The following INPP5F variants were observed in gnomAD, a reference collection of about 807,000 sequenced individuals.
INPP5F encodes phosphatidylinositide 4-phosphatase SAC2.
In INPP5F, 97 loss-of-function variants were observed where a neutral mutation model predicts 137.2. The observed-to-expected ratio is 0.71, with a 90% CI of 0.60 to 0.84. INPP5F has a LOEUF of 0.84. INPP5F is among the 40% of genes least tolerant of loss of function. The pLI is 0.00. For synonymous variants in INPP5F, 504 were observed against 476.9 expected (o/e 1.06, Z -0.74); for missense variants, 1,271 against 1,371.9 (o/e 0.93, Z 1.16).
Position 119,827,417 on chromosome 10 carries a change from G to GTAA in INPP5F, c.3036_3037insTAA (p.Ser1012_Gln1013insTer), listed in dbSNP as rs768110208. ...CAGAACAGACACCTTCTCGGCCATCGCAATTAGATGTCTCTCTTTCTGCAA... is the reference window on the plus strand; with the variant it reads ...CAGAACAGACACCTTCTCGGCCATCGTAACAATTAGATGTCTCTCTTTCTGCAA... On this transcript the variant is annotated stop_gained and inframe_insertion, in exon 20 of 20. Coordinates refer to ENST00000650623, the MANE Select transcript of INPP5F (RefSeq NM_014937.4). LOFTEE classifies it high-confidence loss of function. 12 of 1,614,052 alleles carry GTAA rather than the reference G, an allele frequency of 7.4e-6. No individual in the cohort carries two copies. Among genetic ancestry groups the GTAA allele is most frequent in the African/African-American group, 2.7e-5 (2 of 74,918 alleles).
intron 11 of INPP5F, among the ~76,000 whole-genome samples, 165 bp from the exon 12 acceptor site, chr10:119,806,195 T>G (rs1850776284): frequency 6.6e-6 from 1 of 152,134 alleles, no homozygotes. Flanking sequence ...ATTGTGTAAA[T>G]TAACAATGAT....
intron 1 of INPP5F, among the ~76,000 whole-genome samples, 153 bp downstream of exon 1, chr10:119,726,512 C>T (rs1289598036): frequency 1.3e-5 from 2 of 152,168 alleles, no homozygotes; most frequent in Non-Finnish European, 2.9e-5. Flanking sequence ...TCATTATTCC[C>T]TGACTGGAAG....
At chr10:119,750,209 G>A (rs1055358442) in intron 1 of INPP5F, among the ~76,000 whole-genome samples, 1 of 152,204 alleles carries the variant, frequency 6.6e-6, no homozygotes, top group Non-Finnish European at 1.5e-5. Flanking sequence ...TTGAGTGTAA[G>A]TTTCACTAAA....
intron 8 of INPP5F, among the ~76,000 whole-genome samples, 166 bp from the exon 9 acceptor site, chr10:119,798,377 A>G (rs1850461454): frequency 6.6e-6 from 1 of 152,184 alleles, no homozygotes; most frequent in Admixed American, 6.5e-5. Context: ...CTGGAAAAAA[A>G]ATCAGATCTT....
chr10:119,768,851 G>C (rs1849255228), intron 2 of INPP5F, among the ~76,000 whole-genome samples: 1 of 152,214 alleles, frequency 6.6e-6, no homozygotes, highest in Non-Finnish European at 1.5e-5. Flanking sequence ...GTGTCCAAAA[G>C]AGCGGTGAAA....
chr10:119,827,957 A>C lies in INPP5F; in HGVS notation c.*177A>C. 3.5e-6 allele frequency: 2 copies of C among 568,902 alleles called. No homozygotes were observed. The highest frequency in any genetic ancestry group is 3.0e-5 in the East Asian group (1 of 33,258). The allele number at this position is 568,902 out of a possible 1,614,324, so 35.2% of individuals were successfully genotyped here. A position where few individuals can be genotyped will look rare whatever the true frequency, so the allele number is the denominator to read the frequency against. On this transcript the variant is annotated 3_prime_UTR_variant, in exon 20 of 20. Transcript: ENST00000650623. ...CCAAATTTTACAGCCAGGACTACAG[A>C]AGTGCATCATTCTAGAATGTGTAGA...
Position 119,780,959 on chromosome 10 carries a change from C to G in INPP5F, c.179-676C>G, listed in dbSNP as rs561193988. ...CCTGGAGCCAGTCCCCTGCAGATAC[C>G]GAGGGATGGCTGTATGTTAATAATA... On this transcript the variant is annotated intron_variant, in intron 2 of 19. Transcript: ENST00000650623. Among the ~76,000 whole-genome samples, 9 of 152,136 alleles carry G rather than the reference C, an allele frequency of 5.9e-5. No individual in the cohort carries two copies. The East Asian group carries it at 1.2e-3, about 20-fold the overall frequency.
intron 1 of INPP5F, among the ~76,000 whole-genome samples, chr10:119,738,962 AC>A (rs1848297906): frequency 6.6e-6 from 1 of 151,880 alleles, no homozygotes; most frequent in Non-Finnish European, 1.5e-5. Context: ...TGGGAGGATC[AC>A]TTGAGTCCAG....
At chr10:119,756,527 C>T (rs1848847322) in intron 2 of INPP5F, among the ~76,000 whole-genome samples, 5 of 150,652 alleles carry the variant, frequency 3.3e-5, no homozygotes, top group Admixed American at 2.0e-4. Context: ...TCCCACCTAC[C>T]CGGGAGGTTG....
At chr10:119,781,114 G>C (rs1564825586) in intron 2 of INPP5F, among the ~76,000 whole-genome samples, 2 of 152,196 alleles carry the variant, frequency 1.3e-5, no homozygotes, top group African/African-American at 2.4e-5. Flanking sequence ...CCACTGTCCT[G>C]TATCTGGACA....
At chr10:119,766,227 CCACCTGTATTG>C (rs1437818955) in intron 2 of INPP5F, among the ~76,000 whole-genome samples, 1 of 152,058 alleles carries the variant, frequency 6.6e-6, no homozygotes, top group African/African-American at 2.4e-5. Flanking sequence ...TGGATGATGC[CCACCTGTATTG>C]GTGAGGGCAG....
Position 119,738,105 on chromosome 10 carries a change from A to G in INPP5F, c.97+11746A>G, listed in dbSNP as rs138126333. Among the ~76,000 whole-genome samples the G allele has an allele frequency of 9.2e-5, 14 of 152,366 alleles. No homozygotes were observed. The East Asian group carries it at 2.7e-3, about 29-fold the overall frequency. ...GGGCATATGAAAATAGAAGCCATGT[A>G]CTGCCAAATGGATCTGAAATAAGAG... On this transcript the variant is annotated intron_variant, in intron 1 of 19. Coordinates refer to ENST00000650623, the MANE Select transcript of INPP5F (RefSeq NM_014937.4).
chr10:119,730,145 T>C (rs1436640748), intron 1 of INPP5F, among the ~76,000 whole-genome samples: 2 of 152,146 alleles, frequency 1.3e-5, no homozygotes, highest in African/African-American at 4.8e-5. Context: ...GTTTTGCTCT[T>C]GTTGCCCAGG....
chr10:119,824,297 AT>A (rs1851678828), intron 19 of INPP5F, among the ~76,000 whole-genome samples: 1 of 152,230 alleles, frequency 6.6e-6, no homozygotes, highest in African/African-American at 2.4e-5. Context: ...CCAGTCTGGG[AT>A]TCCACACTGC....
Position 119,776,318 on chromosome 10 carries a change from T to G in INPP5F, c.179-5317T>G, listed in dbSNP as rs192924496. 5.6e-4 allele frequency among the ~76,000 whole-genome samples: 84 copies of G among 150,606 alleles called. 1 individual carries two copies. The highest frequency in any genetic ancestry group is 1.9e-3 in the African/African-American group (79 of 40,894). On this transcript the variant is annotated intron_variant, in intron 2 of 19. Coordinates refer to ENST00000650623, the MANE Select transcript of INPP5F (RefSeq NM_014937.4). ...GAAGCACATAGATTTTTCACATTTT[T>G]GTATATGAGTAGTTAACTCTAAAAA...
At chr10:119,780,980 T>C (rs1351138608) in intron 2 of INPP5F, among the ~76,000 whole-genome samples, 1 of 152,220 alleles carries the variant, frequency 6.6e-6, no homozygotes, top group East Asian at 1.9e-4. Context: ...TGTATGTTAA[T>C]AATATATTCA....
chr10:119,771,381 C>T (rs947785786), intron 2 of INPP5F, among the ~76,000 whole-genome samples: 2 of 150,918 alleles, frequency 1.3e-5, no homozygotes, highest in South Asian at 2.2e-4. Context: ...GGGTTGTTTC[C>T]GCAGAAGGAG....
At chr10:119,753,102 C>T (rs1016897269) in intron 2 of INPP5F, among the ~76,000 whole-genome samples, 1 of 152,176 alleles carries the variant, frequency 6.6e-6, no homozygotes, top group African/African-American at 2.4e-5. Context: ...TAACAGTCTC[C>T]TACCTGTCCA....
intron 2 of INPP5F, among the ~76,000 whole-genome samples, chr10:119,762,640 AGATGATTTAAAGTATACAGGAG>A (rs1849041971): frequency 6.6e-6 from 1 of 152,196 alleles, no homozygotes; most frequent in Non-Finnish European, 1.5e-5. Context: ...AGTAATCTAG[AGATGATTTAAAGTATACAGGAG>A]GATGTGTATA....
Sources: allele counts gnomAD v4.1 joint callset (sites outside exome capture counted in the v4.1 genomes callset), GRCh38; gene constraint gnomAD v4.1.1; transcripts MANE v1.5; gene names NCBI Gene and HGNC (gene_info 2026-07-23, HGNC 2026-07-21).